The following FGFR1 variants were observed in gnomAD, a reference collection of about 807,000 sequenced individuals.
The protein encoded by FGFR1 is fibroblast growth factor receptor 1, also known as FGFR1/PLAG1 fusion.
In FGFR1, 18 loss-of-function variants were observed where a neutral mutation model predicts 93.7. The ratio of observed to expected loss-of-function variants is 0.19; its 90% CI spans 0.13 to 0.28. The LOEUF is 0.28. FGFR1 is among the 10% of genes least tolerant of loss of function. The pLI is 1.00. For synonymous variants in FGFR1, 448 were observed against 429.3 expected, an observed-to-expected ratio of 1.04 and a Z score of -0.54; for missense variants, 731 against 1,080.4, an observed-to-expected ratio of 0.68 and a Z score of 4.53.
Position 38,446,816 on chromosome 8 carries a change from A to G in FGFR1, c.91+10540T>C, listed in dbSNP as rs188786618. Among the ~76,000 whole-genome samples the G allele has an allele frequency of 3.6e-3, 554 of 152,312 alleles. 1 individual carries two copies. Among genetic ancestry groups the G allele is most frequent in the African/African-American group, 0.013 (538 of 41,580 alleles). On this transcript the variant is annotated intron_variant, in intron 2 of 17. Coordinates refer to ENST00000447712, the MANE Select transcript of FGFR1 (RefSeq NM_023110.3). ...TCCATTCATCAGAGATTGTTGGACCACATCCATATTAGAAGCAATCTAGTT... is the reference window on the plus strand; with the variant it reads ...TCCATTCATCAGAGATTGTTGGACCGCATCCATATTAGAAGCAATCTAGTT...
At chr8:38,439,454 T>C (rs528820065) in intron 2 of FGFR1, among the ~76,000 whole-genome samples, 1 of 152,194 alleles carries the variant, frequency 6.6e-6, no homozygotes, top group African/African-American at 2.4e-5. Context: ...ACTGAGAAGA[T>C]TAAGAACACG....
At chr8:38,447,106 C>T in intron 2 of FGFR1, among the ~76,000 whole-genome samples, 1 of 50,946 alleles carries the variant, frequency 2.0e-5, no homozygotes. Flanking sequence ...CAAACACACA[C>T]ACACACACAC....
In FGFR1 at chr8:38,414,665, G is replaced by A. The variant is rs751129940; in HGVS notation, c.1978-36C>T. The A allele has an allele frequency of 1.9e-6, 3 of 1,613,354 alleles. No homozygotes were observed. In the East Asian group the frequency reaches 6.7e-5, roughly 36 times the overall value. Reference sequence around the variant, plus strand: ...CACAGGGGAGGTTGGAGTGGCCCCAGGCAGGGCCATGAGGGCACAGGTGGG... The same window carrying A: ...CACAGGGGAGGTTGGAGTGGCCCCAAGCAGGGCCATGAGGGCACAGGTGGG... On this transcript the variant is annotated intron_variant, in intron 14 of 17. Coordinates refer to ENST00000447712, the MANE Select transcript of FGFR1 (RefSeq NM_023110.3).
At chr8:38,431,630 A>G (rs1321871140) in intron 2 of FGFR1, among the ~76,000 whole-genome samples, 1 of 152,196 alleles carries the variant, frequency 6.6e-6, no homozygotes, top group African/African-American at 2.4e-5. Context: ...AGCAACTGAC[A>G]GGGACTGACA....
rs2150538480 is a variant in FGFR1, at chr8:38,414,303, G to A, written c.2049-14C>T. On this transcript the variant is annotated splice_polypyrimidine_tract_variant and intron_variant, in intron 15 of 17. Coordinates refer to ENST00000447712, the MANE Select transcript of FGFR1 (RefSeq NM_023110.3). ...CCGAAAGACCACCTGCAAATGGGCG[G>A]AGAGCCACAGGGTGTTAGAGCTTCT... 6.2e-7 allele frequency: 1 copy of A among 1,614,144 alleles called. No homozygotes were observed. The highest frequency in any genetic ancestry group is 1.1e-5 in the South Asian group (1 of 91,090).
At chr8:38,417,526 TCTC>T in intron 11 of FGFR1, 110 bp from the exon 12 acceptor site, 1 of 930,812 alleles carries the variant, frequency 1.1e-6, no homozygotes, top group Non-Finnish European at 1.7e-6. Context: ...GACTTGATTC[TCTC>T]CTCCCCACTT....
At position 38,468,039 on chromosome 8, in the gene FGFR1, G is replaced by A. The variant is rs2151506307; in HGVS notation, c.-147C>T. The A allele has an allele frequency of 4.5e-6, 1 of 222,498 alleles. No homozygotes were observed. 13.8% of individuals were successfully genotyped at this position (222,498 alleles called of 1,614,324 possible). ...TCCGCCGTGGCTTGTGCGAGCGGGC[G>A]TGTGCCCGCGTCCCCGGCTCCGGCC... On this transcript the variant is annotated 5_prime_UTR_variant, in exon 1 of 18. In the 5' UTR this introduces an upstream ATG that the reference lacks. Coordinates refer to ENST00000447712, the MANE Select transcript of FGFR1 (RefSeq NM_023110.3).
At position 38,443,369 on chromosome 8, in the gene FGFR1, T is replaced by A. The variant is rs879316448; in HGVS notation, c.92-13421A>T. On this transcript the variant is annotated intron_variant, in intron 2 of 17. Transcript: ENST00000447712. ...AACCATTATGCATCAATTACAAATT[T>A]AAAAATTGGCCGGGCACAGTGGCTC... Among the ~76,000 whole-genome samples, 4 of 152,018 alleles carry A rather than the reference T, an allele frequency of 2.6e-5. No individual in the cohort carries two copies. The East Asian group carries it at 7.7e-4, about 29-fold the overall frequency.
intron 2 of FGFR1, chr8:38,434,419 C>T: frequency 2.9e-6 from 1 of 339,710 alleles, no homozygotes; most frequent in Non-Finnish European, 5.8e-6. Flanking sequence ...ACCTCAATTC[C>T]TGGCTCAACA....
intron 1 of FGFR1, among the ~76,000 whole-genome samples, chr8:38,464,766 T>C (rs1835149768): frequency 6.6e-6 from 1 of 152,172 alleles, no homozygotes; most frequent in African/African-American, 2.4e-5. Flanking sequence ...ATAAGACATT[T>C]GAATCAATTC....
At chr8:38,457,652 G>T in intron 1 of FGFR1, 118 bp from the exon 2 acceptor site, 3 of 985,774 alleles carry the variant, frequency 3.0e-6, no homozygotes, top group Non-Finnish European at 3.0e-6. Context: ...TTACTAAGGC[G>T]TCCAGAAGAA....
intron 8 of FGFR1, chr8:38,421,505 G>T: frequency 2.1e-6 from 1 of 487,688 alleles, no homozygotes; most frequent in African/African-American, 1.9e-5. Context: ...CTGCCCTGGA[G>T]GAGTCGGGCT....
Position 38,412,734 on chromosome 8 carries a change from G to A in FGFR1, c.*894C>T, listed in dbSNP as rs1814785608. ...TTCATACAGCCCATAGATAAATGAA[G>A]CAGCAGCAATTTTTATTGAGGGACC... On this transcript the variant is annotated 3_prime_UTR_variant, in exon 18 of 18. Transcript: ENST00000447712. The A allele has an allele frequency of 8.6e-6, 2 of 233,518 alleles. No homozygotes were observed. The highest frequency in any genetic ancestry group is 1.2e-4 in the East Asian group (2 of 16,566). 14.5% of individuals were successfully genotyped at this position (233,518 alleles called of 1,614,324 possible).
chr8:38,419,235 G>C (rs1817838293), intron 9 of FGFR1, among the ~76,000 whole-genome samples: 1 of 152,166 alleles, frequency 6.6e-6, no homozygotes, highest in Admixed American at 6.5e-5. Flanking sequence ...AGCAGCCCTT[G>C]GGGACAGTTC....
rs765025203 is a variant in FGFR1, at chr8:38,428,380, C to T, written c.414G>A (p.Glu138=). The change falls in exon 4 of 18, where the codon GAG becomes GAA. Residue 138 remains glutamate (E), a synonymous_variant. Coordinates refer to ENST00000447712, the MANE Select transcript of FGFR1 (RefSeq NM_023110.3). ...TTGGTTTGGTGTTATCTGTTTCTTT[C>T]TCCTCTGAAGAGGAGTCATCATCAT... ...DDDDDDSSSE[E]KETDNTKPNR... is the part of the protein sequence containing the mutation. 1.2e-6 allele frequency: 2 copies of T among 1,614,132 alleles called. No individual in the cohort carries two copies. The highest frequency in any genetic ancestry group is 1.7e-6 in the Non-Finnish European group (2 of 1,180,034).
chr8:38,413,217 G>A lies in FGFR1; in HGVS notation c.*411C>T, dbSNP rs1483346608. 6 of 294,762 alleles carry A rather than the reference G, an allele frequency of 2.0e-5. No individual in the cohort carries two copies. In the South Asian group the frequency reaches 4.3e-4, roughly 21 times the overall value. 18.3% of individuals were successfully genotyped at this position (294,762 alleles called of 1,614,324 possible). A position where few individuals can be genotyped will look rare whatever the true frequency, so the allele number is the denominator to read the frequency against. ...CCTACTGCTGTAGCCCTGAGGACAA[G>A]GCACCTGCCACCAGAGTGCGAGGGG... is the stretch of plus-strand genomic sequence containing the variant. On this transcript the variant is annotated 3_prime_UTR_variant, in exon 18 of 18. Transcript: ENST00000447712. This position sits in a 1 kb window ranked among gnomAD's most constrained non-coding sequence, Gnocchi z 4.2.
chr8:38,456,498 C>G (rs960472131), intron 2 of FGFR1, among the ~76,000 whole-genome samples: 2 of 152,120 alleles, frequency 1.3e-5, no homozygotes, highest in Non-Finnish European at 2.9e-5. Context: ...CAAAGCAAAT[C>G]GCTTGGCAGG....
chr8:38,457,644 A>T lies in FGFR1; in HGVS notation c.-88-110T>A, dbSNP rs904010110. 5 of 1,080,516 alleles carry T rather than the reference A, an allele frequency of 4.6e-6. No individual in the cohort carries two copies. In the African/African-American group the frequency reaches 7.9e-5, roughly 17 times the overall value. The allele number at this position is 1,080,516 out of a possible 1,614,324, so 66.9% of individuals were successfully genotyped here. A position where few individuals can be genotyped will look rare whatever the true frequency, so the allele number is the denominator to read the frequency against. ...TGGTGGCTGCTTAAAGTGTGGACTTACTAAGGCGTCCAGAAGAAAATTGTG... is the reference window on the plus strand; with the variant it reads ...TGGTGGCTGCTTAAAGTGTGGACTTTCTAAGGCGTCCAGAAGAAAATTGTG... On this transcript the variant is annotated intron_variant, in intron 1 of 17. Coordinates refer to ENST00000447712, the MANE Select transcript of FGFR1 (RefSeq NM_023110.3).
chr8:38,422,407 TTCTC>T (rs909735570), intron 7 of FGFR1: 6 of 355,272 alleles, frequency 1.7e-5, no homozygotes, highest in East Asian at 4.6e-5. Flanking sequence ...GCCTAACCCC[TTCTC>T]TCTCTTTTTT....
Sources: allele counts gnomAD v4.1 joint callset (sites outside exome capture counted in the v4.1 genomes callset), GRCh38; gene constraint gnomAD v4.1.1; non-coding constraint Gnocchi (gnomAD v3.1); transcripts MANE v1.5; gene names NCBI Gene and HGNC (gene_info 2026-07-23, HGNC 2026-07-21).